The following GRIK3 variants were observed in gnomAD, a reference collection of about 807,000 sequenced individuals.
The protein encoded by GRIK3 is glutamate receptor ionotropic, kainate 3.
A neutral mutation model predicts 102.5 loss-of-function variants in GRIK3; 29 were observed. The observed-to-expected ratio is 0.28, with a 90% CI of 0.21 to 0.39. The LOEUF is 0.39. Among genes scored for constraint, GRIK3 ranks in the 10% least tolerant of loss-of-function variants. The pLI is 1.00. For missense variants in GRIK3, 908 were observed against 1,252.4 expected (o/e 0.73, Z 4.15); for synonymous variants, 511 against 504.9 (o/e 1.01, Z -0.16).
intron 15 of GRIK3, 118 bp from the exon 16 acceptor site, chr1:36,802,163 T>TCA: frequency 1.5e-6 from 1 of 657,494 alleles, no homozygotes; most frequent in East Asian, 2.9e-5. Context: ...CCCGTCTTTC[T>TCA]CACACCTTCA....
chr1:36,801,813 C>T lies in GRIK3; in HGVS notation c.*38G>A. On this transcript the variant is annotated 3_prime_UTR_variant, in exon 16 of 16. Coordinates refer to ENST00000373091, the MANE Select transcript of GRIK3 (RefSeq NM_000831.4). ...TTCCAATCTCCTTTGCTTTCCTCTG[C>T]CCAGCCCCCAGGCCTGAGGTCCCCA... 3 of 1,532,800 alleles carry T rather than the reference C, an allele frequency of 2.0e-6. No individual in the cohort carries two copies. The highest frequency in any genetic ancestry group is 1.4e-5 in the African/African-American group (1 of 73,148). 94.9% of individuals were successfully genotyped at this position (1,532,800 alleles called of 1,614,324 possible). A position where few individuals can be genotyped will look rare whatever the true frequency, so the allele number is the denominator to read the frequency against.
intron 5 of GRIK3, among the ~76,000 whole-genome samples, chr1:36,867,806 C>A (rs1421296311): frequency 6.6e-6 from 1 of 152,186 alleles, no homozygotes; most frequent in East Asian, 1.9e-4. Flanking sequence ...GATTAAACCC[C>A]CTCTGGGCCT....
intron 4 of GRIK3, among the ~76,000 whole-genome samples, chr1:36,870,983 T>C (rs1640836315): frequency 6.6e-6 from 1 of 152,138 alleles, no homozygotes; most frequent in African/African-American, 2.4e-5. Context: ...CTAGGGGTTA[T>C]AGGCTTTCTG....
intron 11 of GRIK3, among the ~76,000 whole-genome samples, chr1:36,820,810 T>C (rs1361356118): frequency 1.3e-5 from 2 of 152,338 alleles, no homozygotes; most frequent in East Asian, 3.9e-4. Context: ...AATATATATA[T>C]GACAGGGAAA....
intron 1 of GRIK3, among the ~76,000 whole-genome samples, chr1:36,910,254 A>G (rs953556361): frequency 6.6e-5 from 10 of 152,200 alleles, no homozygotes; most frequent in African/African-American, 2.2e-4. Flanking sequence ...ATTTGTCCTC[A>G]GGGGCCTGAG....
At position 36,796,898 on chromosome 1, in the gene GRIK3, A is replaced by G. The variant is rs1362689069; in HGVS notation, c.*4953T>C. ...TCTGCTCCTGATGAATTGCCCCAGA[A>G]CTAGAATGTAATATTGGCACAGGGG... On this transcript the variant is annotated 3_prime_UTR_variant, in exon 16 of 16. Transcript: ENST00000373091. The G allele has an allele frequency of 6.6e-6, 1 of 152,204 alleles. No individual in the cohort carries two copies. The highest frequency in any genetic ancestry group is 2.4e-5 in the African/African-American group (1 of 41,432). 9.4% of individuals were successfully genotyped at this position (152,204 alleles called of 1,614,324 possible).
At chr1:36,990,474 A>G (rs934286738) in intron 1 of GRIK3, among the ~76,000 whole-genome samples, 1 of 152,160 alleles carries the variant, frequency 6.6e-6, no homozygotes, top group Non-Finnish European at 1.5e-5. Flanking sequence ...GGCTTCAGGC[A>G]GTCTCTGAGG....
chr1:36,811,025 G>A (rs573480884), intron 13 of GRIK3, among the ~76,000 whole-genome samples: 1 of 152,342 alleles, frequency 6.6e-6, no homozygotes, highest in South Asian at 2.1e-4. Flanking sequence ...GTGACCACAA[G>A]CAAGTGACAT....
Position 36,802,021 on chromosome 1 carries a change from C to T in GRIK3, c.2590G>A (p.Asp864Asn), listed in dbSNP as rs1240292513. The T allele has an allele frequency of 3.7e-6, 6 of 1,612,362 alleles. No individual in the cohort carries two copies. Among genetic ancestry groups the T allele is most frequent in the East Asian group, 2.2e-5 (1 of 44,860 alleles). Reference sequence around the variant, plus strand: ...CAGGTAAGGGAGAAACGGATCTCATCGGCCACGGTGCTGCAGAAGGAACGC... The same window carrying T: ...CAGGTAAGGGAGAAACGGATCTCATTGGCCACGGTGCTGCAGAAGGAACGC... ...EQRSFCSTVA[D>N]EIRFSLTCQR... The change falls in exon 16 of 16, where the codon GAT becomes AAT. Residue 864 changes from aspartate to asparagine, a missense_variant. By Grantham distance (23) the Asp-to-Asn change is conservative. This residue lies in a region of GRIK3 where 297 missense variants were observed against 362.7 expected (regional missense o/e 0.82). Coordinates refer to ENST00000373091, the MANE Select transcript of GRIK3 (RefSeq NM_000831.4).
chr1:37,004,429 G>A (rs541698045), intron 1 of GRIK3, among the ~76,000 whole-genome samples: 49 of 152,214 alleles, frequency 3.2e-4, no homozygotes, highest in Non-Finnish European at 5.6e-4. Flanking sequence ...GAAGAACCAG[G>A]GAGAAATTGA....
chr1:36,898,320 G>C (rs939461672), intron 1 of GRIK3, among the ~76,000 whole-genome samples: 1 of 152,034 alleles, frequency 6.6e-6, no homozygotes, highest in Non-Finnish European at 1.5e-5. Flanking sequence ...ATACTTGAGG[G>C]GATGGCTACC....
chr1:36,919,520 T>C (rs561900529), intron 1 of GRIK3, among the ~76,000 whole-genome samples: 1 of 152,242 alleles, frequency 6.6e-6, no homozygotes, highest in South Asian at 2.1e-4. Flanking sequence ...AGGGAGCAGC[T>C]GGAGCAGCAG....
chr1:36,938,240 C>T (rs1001134240), intron 1 of GRIK3, among the ~76,000 whole-genome samples: 2 of 152,142 alleles, frequency 1.3e-5, no homozygotes, highest in African/African-American at 4.8e-5. Flanking sequence ...ACCCTGGGTC[C>T]ACTGCAGGTG....
chr1:36,892,908 A>G (rs1041864488), intron 1 of GRIK3, among the ~76,000 whole-genome samples: 1 of 152,248 alleles, frequency 6.6e-6, no homozygotes, highest in Non-Finnish European at 1.5e-5. Context: ...AACATGAGAA[A>G]GATGGCTAGT....
chr1:37,024,614 G>A (rs1159058166), intron 1 of GRIK3, among the ~76,000 whole-genome samples: 1 of 151,514 alleles, frequency 6.6e-6, no homozygotes, highest in African/African-American at 2.4e-5. Flanking sequence ...ATGGTGGCAG[G>A]TGCCTGTAGT....
chr1:36,976,657 G>A (rs1189692083), intron 1 of GRIK3, among the ~76,000 whole-genome samples: 1 of 152,138 alleles, frequency 6.6e-6, no homozygotes, highest in Non-Finnish European at 1.5e-5. Flanking sequence ...TTGGTTGAAG[G>A]GATGATCCGT....
intron 1 of GRIK3, among the ~76,000 whole-genome samples, chr1:36,935,395 C>T (rs1030354890): frequency 2.0e-5 from 3 of 152,136 alleles, no homozygotes; most frequent in Non-Finnish European, 4.4e-5. Flanking sequence ...TCTTAATATC[C>T]AAATACATGC....
chr1:36,902,470 T>A (rs1015639737), intron 1 of GRIK3, among the ~76,000 whole-genome samples: 24 of 152,056 alleles, frequency 1.6e-4, no homozygotes, highest in South Asian at 2.1e-4. Context: ...GCAAAGGCAA[T>A]ACGGTGGAGA....
At chr1:36,991,732 C>T (rs1294007061) in intron 1 of GRIK3, among the ~76,000 whole-genome samples, 4 of 152,214 alleles carry the variant, frequency 2.6e-5, no homozygotes, top group Non-Finnish European at 5.9e-5. Flanking sequence ...ATTTGCTTTC[C>T]CTGGCATCTG....
Sources: allele counts gnomAD v4.1 joint callset (sites outside exome capture counted in the v4.1 genomes callset), GRCh38; gene constraint gnomAD v4.1.1; regional missense constraint gnomAD v4.1.1; transcripts MANE v1.5; gene names NCBI Gene and HGNC (gene_info 2026-07-23, HGNC 2026-07-21).